SPAG7: variants seen among roughly 807,000 people sequenced by gnomAD.
SPAG7 encodes the protein sperm associated antigen 7, also known as sperm-associated antigen 7.
In SPAG7, 20 loss-of-function variants were observed where a neutral mutation model predicts 30.6. That is an observed-to-expected ratio of 0.65 (90% CI 0.46 to 0.95). The LOEUF is 0.95. Ranked by LOEUF, SPAG7 falls within the 40% of genes least tolerant of loss-of-function variation. The pLI, the probability that SPAG7 is intolerant of heterozygous loss-of-function variation, is 0.00. For synonymous variants in SPAG7, 127 were observed against 104.2 expected (o/e 1.22, Z -1.33); for missense variants, 276 against 291.1 (o/e 0.95, Z 0.38).
Position 4,960,003 on chromosome 17 carries a change from G to T in SPAG7, c.417+19C>A. ...GGTGGTGGGCTTCTGGACCCCAAGG[G>T]CTGCAAAGCATAGCTCACCTTCAGC... On this transcript the variant is annotated intron_variant, in intron 5 of 6. Transcript: ENST00000206020. The T allele has an allele frequency of 6.2e-7, 1 of 1,613,782 alleles. No homozygotes were observed.
At chr17:4,960,139 G>A (rs1462187426) in intron 4 of SPAG7, 28 bp from the exon 5 acceptor site, 1 of 1,603,780 alleles carries the variant, frequency 6.2e-7, no homozygotes, top group Non-Finnish European at 8.5e-7. Context: ...GATGGGGTCA[G>A]AGTCCATACA....
At chr17:4,960,959 G>A in intron 1 of SPAG7, 106 bp from the exon 2 acceptor site, 1 of 954,126 alleles carries the variant, frequency 1.0e-6, no homozygotes. Flanking sequence ...TGTCAGGCTG[G>A]GAAGGTAGGA....
At chr17:4,959,687 C>T (rs374759279) in intron 6 of SPAG7, 44 bp from the exon 7 acceptor site, 3 of 1,613,396 alleles carry the variant, frequency 1.9e-6, no homozygotes, top group Non-Finnish European at 2.5e-6. Flanking sequence ...AAATCCGTAC[C>T]TCAGCCTCCA....
intron 1 of SPAG7, chr17:4,966,299 G>C (rs902442265): frequency 6.6e-6 from 1 of 152,340 alleles, no homozygotes; most frequent in African/African-American, 2.4e-5. Flanking sequence ...TCTTTAACTG[G>C]TTTTCGAGTC....
chr17:4,959,956 G>A, intron 5 of SPAG7, 40 bp from the exon 6 acceptor site: 1 of 1,612,972 alleles, frequency 6.2e-7, no homozygotes, highest in Non-Finnish European at 8.5e-7. Flanking sequence ...CAGGGCCCCA[G>A]CCCAAACCCC....
rs1971846923 is a variant in SPAG7 at position 4,960,626 on chromosome 17, T to G, written c.154-79A>C. ...CCTCTCCCTAGCTGAGCCTGGGCCC[T>G]TCTACGCCTCCCCAGCACCCTCCCC... On this transcript the variant is annotated intron_variant, in intron 2 of 6. Coordinates refer to ENST00000206020, the MANE Select transcript of SPAG7 (RefSeq NM_004890.3). 6 of 1,358,062 alleles carry G rather than the reference T, an allele frequency of 4.4e-6. No individual in the cohort carries two copies. In the Admixed American group the frequency reaches 5.3e-5, roughly 12 times the overall value. The allele number at this position is 1,358,062 out of a possible 1,614,324, so 84.1% of individuals were successfully genotyped here. A position where few individuals can be genotyped will look rare whatever the true frequency, so the allele number is the denominator to read the frequency against.
chr17:4,960,328 G>A lies in SPAG7; in HGVS notation c.243-10C>T. 6.2e-7 allele frequency: 1 copy of A among 1,613,798 alleles called. No homozygotes were observed. Among genetic ancestry groups the A allele is most frequent in the Non-Finnish European group, 8.5e-7 (1 of 1,179,658 alleles). ...TTCCACCACATCATGTCTGGGATGG[G>A]ATGGCAGAGGGGAAAGAGCATCTTG... On this transcript the variant is annotated splice_polypyrimidine_tract_variant and intron_variant, in intron 3 of 6. Transcript: ENST00000206020.
rs777765362 is a variant in SPAG7, at chr17:4,960,085, T to C, written c.354A>G (p.Leu118=). The stretch of plus-strand genomic sequence containing the variant: ...ATTCCTCTCCACGACGGTAAGAGTC[T>C]AGCTCTTCATCTGAGGGTGCAAACT... ...KKEFAPSDEE[L]DSYRRGEEWD... Residue 118 remains leucine, a synonymous_variant, in exon 5 of 7, where the codon CTA becomes CTG. Coordinates refer to ENST00000206020, the MANE Select transcript of SPAG7 (RefSeq NM_004890.3). The C allele has an allele frequency of 2.5e-6, 4 of 1,613,906 alleles. No homozygotes were observed. In the East Asian group the frequency reaches 6.7e-5, roughly 27 times the overall value.
In SPAG7 at chr17:4,959,394, C is replaced by T; in HGVS notation, c.*140G>A. On this transcript the variant is annotated 3_prime_UTR_variant, in exon 7 of 7. Coordinates refer to ENST00000206020, the MANE Select transcript of SPAG7 (RefSeq NM_004890.3). ...AGCTCCAACGGTGACAAATCAAACA[C>T]CTGTTTTCCCCCAGCCTGAGGGACA... 1.5e-6 allele frequency: 1 copy of T among 670,494 alleles called. No homozygotes were observed. Among genetic ancestry groups the T allele is most frequent in the Non-Finnish European group, 2.6e-6 (1 of 382,716 alleles). The allele number at this position is 670,494 out of a possible 1,614,324, so 41.5% of individuals were successfully genotyped here.
At chr17:4,967,266 G>T in intron 1 of SPAG7, 1 of 997,750 alleles carries the variant, frequency 1.0e-6, no homozygotes, top group Non-Finnish European at 1.2e-6. Context: ...TTCGCAGGCT[G>T]GGGTGGTTTC....
At chr17:4,967,667 T>A in intron 1 of SPAG7, 53 bp downstream of exon 1, 2 of 1,372,490 alleles carry the variant, frequency 1.5e-6, no homozygotes, top group Non-Finnish European at 2.1e-6. Flanking sequence ...GAGGGAGAAG[T>A]ATGGTCCCGA....
rs577290737 is a variant in SPAG7, at chr17:4,967,702, T to G, written c.85+18A>C. On this transcript the variant is annotated intron_variant, in intron 1 of 6. Transcript: ENST00000206020. ...AGAACCGGGCGAAGGAAGGCGGTTG[T>G]GAATTTGGGATCCTCACCTCGGGCC... 6.2e-7 allele frequency: 1 copy of G among 1,602,342 alleles called. No homozygotes were observed. The highest frequency in any genetic ancestry group is 1.1e-5 in the South Asian group (1 of 90,820).
chr17:4,965,096 G>A lies in SPAG7; in HGVS notation c.85+2624C>T, dbSNP rs144384451. Among the ~76,000 whole-genome samples, 489 of 152,254 alleles carry A rather than the reference G, an allele frequency of 3.2e-3. 2 individuals are homozygous for A. Among genetic ancestry groups the A allele is most frequent in the African/African-American group, 0.011 (449 of 41,558 alleles). Reference sequence around the variant, plus strand: ...GGCTAATTTTTTCATTTTTAGTAGAGATGGGCTTTCTTCTCCATGTTGGTC... The same window carrying A: ...GGCTAATTTTTTCATTTTTAGTAGAAATGGGCTTTCTTCTCCATGTTGGTC... On this transcript the variant is annotated intron_variant, in intron 1 of 6. Transcript: ENST00000206020.
At position 4,959,459 on chromosome 17, in the gene SPAG7, G is replaced by A. The variant is rs1452204153; in HGVS notation, c.*75C>T. 12 of 1,200,582 alleles carry A rather than the reference G, an allele frequency of 1.0e-5. No individual in the cohort carries two copies. Among genetic ancestry groups the A allele is most frequent in the Non-Finnish European group, 1.3e-5 (11 of 821,372 alleles). 74.4% of individuals were successfully genotyped at this position (1,200,582 alleles called of 1,614,324 possible). The stretch of plus-strand genomic sequence containing the variant: ...GTTCAGAGGTGGGGCTCCAGGATGG[G>A]CTCTAATAGCAGCAGCCTTGTCTCT... On this transcript the variant is annotated 3_prime_UTR_variant, in exon 7 of 7. Coordinates refer to ENST00000206020, the MANE Select transcript of SPAG7 (RefSeq NM_004890.3).
At chr17:4,966,822 G>GA in intron 1 of SPAG7, 1 of 985,484 alleles carries the variant, frequency 1.0e-6, no homozygotes, top group Non-Finnish European at 1.2e-6. Context: ...GGCAACCAGC[G>GA]GCCCTTGAAT....
intron 1 of SPAG7, among the ~76,000 whole-genome samples, 192 bp downstream of exon 1, chr17:4,967,526 CTA>C: frequency 6.6e-6 from 1 of 151,790 alleles, no homozygotes; most frequent in East Asian, 1.9e-4. Context: ...GAGGCTGGCG[CTA>C]TCTTTCAGGT....
At chr17:4,966,798 G>A (rs1971961092) in intron 1 of SPAG7, 2 of 985,372 alleles carry the variant, frequency 2.0e-6, no homozygotes, top group African/African-American at 3.5e-5. Context: ...CAAGAAACAA[G>A]GGGACGAAGC....
chr17:4,960,002 G>C lies in SPAG7; in HGVS notation c.417+20C>G. ...AGGTGGTGGGCTTCTGGACCCCAAGGGCTGCAAAGCATAGCTCACCTTCAG... is the reference window on the plus strand; with the variant it reads ...AGGTGGTGGGCTTCTGGACCCCAAGCGCTGCAAAGCATAGCTCACCTTCAG... On this transcript the variant is annotated intron_variant, in intron 5 of 6. Transcript: ENST00000206020. 6.2e-7 allele frequency: 1 copy of C among 1,613,844 alleles called. No homozygotes were observed. Among genetic ancestry groups the C allele is most frequent in the Non-Finnish European group, 8.5e-7 (1 of 1,179,846 alleles).
intron 5 of SPAG7, 51 bp from the exon 6 acceptor site, chr17:4,959,967 C>G: frequency 6.2e-7 from 1 of 1,613,370 alleles, no homozygotes; most frequent in Non-Finnish European, 8.5e-7. Flanking sequence ...CCCAAACCCC[C>G]ACCCCTCCCA....
Sources: gnomAD v4.1 joint callset for allele counts (sites outside exome capture counted in the v4.1 genomes callset) on GRCh38, gnomAD v4.1.1 for gene constraint, MANE v1.5 for transcripts, NCBI Gene and HGNC (gene_info 2026-07-23, HGNC 2026-07-21) for gene names.